The following ADGRD1 variants were observed in gnomAD, a reference collection of about 807,000 sequenced individuals.
ADGRD1 encodes the protein G-protein coupled receptor 133.
A neutral mutation model predicts 113.4 loss-of-function variants in ADGRD1; 77 were observed. The observed-to-expected ratio is 0.68, with a 90% CI of 0.57 to 0.82. ADGRD1 has a LOEUF of 0.82. Ranked by LOEUF, ADGRD1 falls within the 40% of genes least tolerant of loss-of-function variation. ADGRD1 has a pLI of 0.00. For missense variants in ADGRD1, 1,036 were observed against 1,139.1 expected, an observed-to-expected ratio of 0.91 and a Z score of 1.30; for synonymous variants, 474 against 475.0, an observed-to-expected ratio of 1.00 and a Z score of 0.03.
At position 131,131,676 on chromosome 12, in the gene ADGRD1, C is replaced by A. The variant is rs766108086; in HGVS notation, c.2176-49C>A. On this transcript the variant is annotated intron_variant, in intron 20 of 24. Coordinates refer to ENST00000261654, the MANE Select transcript of ADGRD1 (RefSeq NM_198827.5). The stretch of plus-strand genomic sequence containing the variant: ...TGGCCAGGCGGACGCAGCTCTCCTG[C>A]AGGTGCAGCCCAGGCCCCCCTCACC... 9.1e-6 allele frequency: 12 copies of A among 1,316,352 alleles called. No individual in the cohort carries two copies. In the African/African-American group the frequency reaches 1.6e-4, roughly 18 times the overall value. 81.5% of individuals were successfully genotyped at this position (1,316,352 alleles called of 1,614,324 possible). A position where few individuals can be genotyped will look rare whatever the true frequency, so the allele number is the denominator to read the frequency against.
intron 17 of ADGRD1, 50 bp downstream of exon 17, chr12:131,105,915 C>A: frequency 7.5e-7 from 1 of 1,331,670 alleles, no homozygotes; most frequent in Non-Finnish European, 1.1e-6. Flanking sequence ...CTTGCCTCCT[C>A]GGATGTCACC....
Position 131,084,778 on chromosome 12 carries a change from A to C in ADGRD1, c.1671+115A>C. 1 of 1,106,670 alleles carries C rather than the reference A, an allele frequency of 9.0e-7. No homozygotes were observed. Among genetic ancestry groups the C allele is most frequent in the Non-Finnish European group, 1.3e-6 (1 of 758,604 alleles). 68.6% of individuals were successfully genotyped at this position (1,106,670 alleles called of 1,614,324 possible). ...CCACGGGCCCTGGGCACATTACTCC[A>C]TGGGGCCTGTGTTTACAGACGGAAT... is the stretch of plus-strand genomic sequence containing the variant. On this transcript the variant is annotated intron_variant, in intron 15 of 24. Coordinates refer to ENST00000261654, the MANE Select transcript of ADGRD1 (RefSeq NM_198827.5). This position sits in a 1 kb window ranked among gnomAD's most constrained non-coding sequence, Gnocchi z 4.5.
chr12:131,059,935 A>T (rs1884171543), intron 13 of ADGRD1, among the ~76,000 whole-genome samples: 3 of 152,108 alleles, frequency 2.0e-5, no homozygotes. Flanking sequence ...CGGTATGACA[A>T]ATGATTTTCA....
Position 130,971,327 on chromosome 12 carries a change from G to T in ADGRD1, c.188-131G>T. 1 of 464,542 alleles carries T rather than the reference G, an allele frequency of 2.2e-6. No individual in the cohort carries two copies. The highest frequency in any genetic ancestry group is 6.0e-4 in the Middle Eastern group (1 of 1,680). 28.8% of individuals were successfully genotyped at this position (464,542 alleles called of 1,614,324 possible). A position where few individuals can be genotyped will look rare whatever the true frequency, so the allele number is the denominator to read the frequency against. On this transcript the variant is annotated intron_variant, in intron 3 of 24. Transcript: ENST00000261654. This position sits in a 1 kb window ranked among gnomAD's most constrained non-coding sequence, Gnocchi z 4.2. ...ATATTATCATAGAATAATATATGATGTTATAAATATATACTTAGATAAATA... is the reference window on the plus strand; with the variant it reads ...ATATTATCATAGAATAATATATGATTTTATAAATATATACTTAGATAAATA...
chr12:131,052,479 AC>A (rs1467489119), intron 13 of ADGRD1, among the ~76,000 whole-genome samples: 1 of 152,204 alleles, frequency 6.6e-6, no homozygotes, highest in African/African-American at 2.4e-5. Flanking sequence ...CTCTTGCTTC[AC>A]ATTCACTGAG....
intron 2 of ADGRD1, among the ~76,000 whole-genome samples, chr12:130,955,373 T>C (rs1486090261): frequency 6.6e-6 from 1 of 152,102 alleles, no homozygotes; most frequent in African/African-American, 2.4e-5. Context: ...GAGCAGCCGA[T>C]GAGTGGGACT....
At chr12:131,012,655 G>A (rs1488100031) in intron 12 of ADGRD1, among the ~76,000 whole-genome samples, 3 of 152,190 alleles carry the variant, frequency 2.0e-5, no homozygotes, top group Non-Finnish European at 1.5e-5. Context: ...GAGCCCCACC[G>A]CCCATCCCAG....
intron 13 of ADGRD1, among the ~76,000 whole-genome samples, chr12:131,055,283 T>G (rs1396143647): frequency 6.6e-6 from 1 of 152,188 alleles, no homozygotes; most frequent in Non-Finnish European, 1.5e-5. Flanking sequence ...GCCCACGGAT[T>G]CACGTGATCC....
chr12:131,002,835 G>A lies in ADGRD1; in HGVS notation c.1027-350G>A, dbSNP rs765390341. On this transcript the variant is annotated intron_variant, in intron 9 of 24. Coordinates refer to ENST00000261654, the MANE Select transcript of ADGRD1 (RefSeq NM_198827.5). ...TCAGCCCCTCCTCGTGAAGCACAGG[G>A]AGGTAGGGGGAGGGTCTGGGATGTG... is the stretch of plus-strand genomic sequence containing the variant. 2.4e-6 allele frequency: 3 copies of A among 1,245,298 alleles called. No individual in the cohort carries two copies. In the South Asian group the frequency reaches 4.4e-5, roughly 18 times the overall value. The allele number at this position is 1,245,298 out of a possible 1,614,324, so 77.1% of individuals were successfully genotyped here. A position where few individuals can be genotyped will look rare whatever the true frequency, so the allele number is the denominator to read the frequency against.
chr12:130,998,567 C>T (rs555426462), intron 8 of ADGRD1, among the ~76,000 whole-genome samples: 7 of 152,078 alleles, frequency 4.6e-5, no homozygotes, highest in Non-Finnish European at 1.0e-4. Context: ...TGAGTTCAAG[C>T]GATTCTCCTG....
At chr12:131,056,184 A>G (rs1409921124) in intron 13 of ADGRD1, among the ~76,000 whole-genome samples, 1 of 152,204 alleles carries the variant, frequency 6.6e-6, no homozygotes, top group Non-Finnish European at 1.5e-5. Flanking sequence ...AGGATCACTG[A>G]TATGCATAGA....
At chr12:131,054,608 T>C (rs1029897438) in intron 13 of ADGRD1, among the ~76,000 whole-genome samples, 3 of 152,142 alleles carry the variant, frequency 2.0e-5, no homozygotes, top group Non-Finnish European at 2.9e-5. Context: ...CTGTAATCCA[T>C]TGGGTGGTTC....
chr12:130,981,410 C>T (rs1158709312), intron 4 of ADGRD1: 4 of 152,448 alleles, frequency 2.6e-5, no homozygotes, highest in South Asian at 2.1e-4. Context: ...TGAGATGGTT[C>T]GTGTCTTTGT....
At chr12:131,061,428 T>C (rs1884318101) in intron 13 of ADGRD1, among the ~76,000 whole-genome samples, 1 of 152,236 alleles carries the variant, frequency 6.6e-6, no homozygotes, top group South Asian at 2.1e-4. Flanking sequence ...TCTGGCTTAA[T>C]AGTAGGATCC....
At chr12:131,012,657 C>T (rs1878078125) in intron 12 of ADGRD1, among the ~76,000 whole-genome samples, 1 of 152,138 alleles carries the variant, frequency 6.6e-6, no homozygotes, top group African/African-American at 2.4e-5. Context: ...GCCCCACCGC[C>T]CATCCCAGGC....
At chr12:131,038,454 A>C (rs762980186) in intron 13 of ADGRD1, among the ~76,000 whole-genome samples, 2 of 152,198 alleles carry the variant, frequency 1.3e-5, no homozygotes, top group Non-Finnish European at 2.9e-5. Context: ...CAAGGGAACG[A>C]GCCCTGCTTA....
At chr12:131,004,962 G>A (rs1184140195) in intron 11 of ADGRD1, among the ~76,000 whole-genome samples, 1 of 152,160 alleles carries the variant, frequency 6.6e-6, no homozygotes, top group Non-Finnish European at 1.5e-5. Flanking sequence ...TCCCTCCCTG[G>A]GGACCTCGGG....
chr12:130,972,116 C>T (rs1381669843), intron 4 of ADGRD1, among the ~76,000 whole-genome samples: 1 of 152,142 alleles, frequency 6.6e-6, no homozygotes, highest in African/African-American at 2.4e-5. Context: ...AGCAGAGATG[C>T]AAAAGAAAAA....
At chr12:131,087,273 T>C (rs1358232453) in intron 15 of ADGRD1, among the ~76,000 whole-genome samples, 1 of 152,164 alleles carries the variant, frequency 6.6e-6, no homozygotes, top group East Asian at 1.9e-4. Context: ...CTGAGACATA[T>C]CTTAAGTGGA....
Sources: gnomAD v4.1 joint callset for allele counts (sites outside exome capture counted in the v4.1 genomes callset) on GRCh38, gnomAD v4.1.1 for gene constraint, Gnocchi (gnomAD v3.1) non-coding constraint, MANE v1.5 for transcripts, NCBI Gene and HGNC (gene_info 2026-07-23, HGNC 2026-07-21) for gene names.